Variants in GALNT13 observed in about 807,000 individuals in gnomAD.
GALNT13 encodes the protein UDP-GalNAc:polypeptide N-acetylgalactosaminyltransferase 13.
A neutral mutation model predicts 64.2 loss-of-function variants in GALNT13; 28 were observed. The observed-to-expected ratio is 0.44, with a 90% confidence interval of 0.32 to 0.60. The LOEUF (loss-of-function observed/expected upper bound fraction) is 0.60, where lower values mean the gene tolerates loss of function less well. Ranked by LOEUF, GALNT13 falls within the 20% of genes least tolerant of loss-of-function variation. The pLI, the probability that GALNT13 is intolerant of heterozygous loss-of-function variation, is 0.05. For synonymous variants in GALNT13, 214 were observed against 224.6 expected (o/e 0.95, Z 0.42); for missense variants, 577 against 669.8 (o/e 0.86, Z 1.53).
chr2:153,719,485 G>C, the GALNT13 span, among the ~76,000 whole-genome samples: 348 of 152,244 alleles, frequency 2.3e-3, 2 homozygotes, highest in African/African-American at 8.0e-3. Context: ...GAACAGCTCC[G>C]GTCTACAGCT....
At chr2:153,119,911 A>G in the GALNT13 span, among the ~76,000 whole-genome samples, 44,656 of 151,956 alleles carry the variant, frequency 0.29, 6,713 homozygotes, top group Middle Eastern at 0.35. Context: ...ATGTTTTCCT[A>G]TACTTTAAAA....
intron 11 of GALNT13, among the ~76,000 whole-genome samples, chr2:154,412,299 TTG>T (rs1344811846): frequency 6.6e-6 from 1 of 151,818 alleles, no homozygotes; most frequent in African/African-American, 2.4e-5. Context: ...GTTTCAGGTT[TTG>T]TCTTTCTCAC....
chr2:153,736,025 T>C, the GALNT13 span, among the ~76,000 whole-genome samples: 1 of 152,198 alleles, frequency 6.6e-6, no homozygotes, highest in Non-Finnish European at 1.5e-5. Context: ...CCATGCCTTA[T>C]CAAACTTTCA....
chr2:153,186,431 T>C, the GALNT13 span, among the ~76,000 whole-genome samples: 30 of 152,316 alleles, frequency 2.0e-4, no homozygotes, highest in African/African-American at 6.7e-4. Flanking sequence ...TGTCTTTTAA[T>C]TGGGGCATTT....
the GALNT13 span, among the ~76,000 whole-genome samples, chr2:153,488,249 G>A: frequency 1.6e-3 from 248 of 152,286 alleles, 3 homozygotes; most frequent in East Asian, 0.024. Flanking sequence ...AGGCACTTCC[G>A]CCTGGGGAGC....
intron 4 of GALNT13, among the ~76,000 whole-genome samples, chr2:154,141,911 G>C (rs1366838510): frequency 1.3e-5 from 2 of 152,146 alleles, no homozygotes; most frequent in Non-Finnish European, 2.9e-5. Context: ...CTATGCTCTA[G>C]ATAGTTGAAC....
intron 8 of GALNT13, among the ~76,000 whole-genome samples, chr2:154,283,537 C>G (rs1214406156): frequency 6.7e-6 from 1 of 150,350 alleles, no homozygotes; most frequent in African/African-American, 2.4e-5. Flanking sequence ...GAGATCGCAC[C>G]ACTGCACTCC....
At chr2:153,127,489 C>G in the GALNT13 span, among the ~76,000 whole-genome samples, 1 of 152,258 alleles carries the variant, frequency 6.6e-6, no homozygotes, top group South Asian at 2.1e-4. Context: ...TCCCTCCCAC[C>G]ACATGCAAAC....
At chr2:153,094,134 G>GT in the GALNT13 span, among the ~76,000 whole-genome samples, 1 of 151,476 alleles carries the variant, frequency 6.6e-6, no homozygotes, top group Non-Finnish European at 1.5e-5. Flanking sequence ...CTTTTGTATT[G>GT]TTTATTACAA....
At chr2:153,531,438 G>A in the GALNT13 span, among the ~76,000 whole-genome samples, 1 of 152,090 alleles carries the variant, frequency 6.6e-6, no homozygotes, top group South Asian at 2.1e-4. Context: ...TAAACCTTTA[G>A]AAACTGCCCC....
chr2:153,071,253 T>C, the GALNT13 span, among the ~76,000 whole-genome samples: 1 of 152,254 alleles, frequency 6.6e-6, no homozygotes, highest in African/African-American at 2.4e-5. Flanking sequence ...TCCAGCTTGA[T>C]ATAAAACAGG....
At chr2:154,357,580 G>A (rs780342321) in intron 9 of GALNT13, among the ~76,000 whole-genome samples, 24 of 152,010 alleles carry the variant, frequency 1.6e-4, no homozygotes, top group African/African-American at 4.6e-4. Context: ...TGACAACGGC[G>A]AAAATACCTG....
At chr2:154,437,876 C>T (rs1165490350) in intron 11 of GALNT13, 6 of 208,606 alleles carry the variant, frequency 2.9e-5, no homozygotes, top group Non-Finnish European at 5.9e-5. Context: ...AAAAAACCCT[C>T]ATGAAACCTT....
At chr2:153,515,689 C>T in the GALNT13 span, among the ~76,000 whole-genome samples, 2 of 152,112 alleles carry the variant, frequency 1.3e-5, no homozygotes, top group East Asian at 3.9e-4. Context: ...GTGGTGGTAC[C>T]CAGTGCAGTT....
At chr2:153,597,935 G>A in the GALNT13 span, among the ~76,000 whole-genome samples, 3 of 152,058 alleles carry the variant, frequency 2.0e-5, no homozygotes, top group Non-Finnish European at 2.9e-5. Context: ...ATGATAGCAA[G>A]CATTGGCAAG....
At chr2:154,116,194 T>C (rs6715705) in intron 3 of GALNT13, among the ~76,000 whole-genome samples, 84,041 of 151,946 alleles carry the variant, frequency 0.55, 24,500 homozygotes, top group East Asian at 0.85. Flanking sequence ...GCTGTTTCTT[T>C]TGGCAAAAAA....
At chr2:153,346,205 G>GA in the GALNT13 span, among the ~76,000 whole-genome samples, 3 of 152,142 alleles carry the variant, frequency 2.0e-5, no homozygotes, top group African/African-American at 7.2e-5. Flanking sequence ...ATTACAGCAT[G>GA]AATCATAATG....
intron 4 of GALNT13, among the ~76,000 whole-genome samples, chr2:154,191,184 A>G (rs1451003011): frequency 1.3e-5 from 2 of 152,226 alleles, no homozygotes; most frequent in Non-Finnish European, 2.9e-5. Context: ...TGATAAGGCT[A>G]TCTAAAAAAT....
the GALNT13 span, among the ~76,000 whole-genome samples, chr2:153,504,887 C>A: frequency 1.1e-4 from 17 of 152,102 alleles, no homozygotes; most frequent in Non-Finnish European, 2.4e-4. Flanking sequence ...TAGGGTAATA[C>A]CGGCTTCATA....
Sources: allele counts gnomAD v4.1 joint callset (sites outside exome capture counted in the v4.1 genomes callset), GRCh38; gene constraint gnomAD v4.1.1; transcripts MANE v1.5; gene names NCBI Gene and HGNC (gene_info 2026-07-23, HGNC 2026-07-21).